BACH2: variants seen among roughly 807,000 people sequenced by gnomAD.
The protein encoded by BACH2 is transcription regulator protein BACH2.
Under a neutral mutation model 61.8 loss-of-function variants are expected in BACH2, and 5 were observed. The ratio of observed to expected loss-of-function variants is 0.08; its 90% CI spans 0.04 to 0.17. The LOEUF is 0.17. BACH2 is among the 10% of genes least tolerant of loss of function. BACH2 has a pLI of 1.00. For missense variants in BACH2, 824 were observed against 1,091.1 expected, an observed-to-expected ratio of 0.76 and a Z score of 3.45; for synonymous variants, 446 against 440.1, an observed-to-expected ratio of 1.01 and a Z score of -0.17.
At chr6:90,282,417 T>C (rs1771885293) in intron 1 of BACH2, among the ~76,000 whole-genome samples, 1 of 152,176 alleles carries the variant, frequency 6.6e-6, no homozygotes, top group African/African-American at 2.4e-5. Context: ...TGGTTTTCTG[T>C]TCCTGTGTTA....
At chr6:90,169,372 GAT>G (rs1465301975) in intron 4 of BACH2, among the ~76,000 whole-genome samples, 1 of 152,084 alleles carries the variant, frequency 6.6e-6, no homozygotes, top group African/African-American at 2.4e-5. Context: ...ATGCCTTAAT[GAT>G]GAAAAACTCC....
chr6:90,010,390 A>C (rs186268951), intron 5 of BACH2, among the ~76,000 whole-genome samples: 17 of 152,358 alleles, frequency 1.1e-4, no homozygotes, highest in African/African-American at 3.8e-4. Flanking sequence ...TCTATTCAGC[A>C]TAATTATTTC....
At chr6:90,295,416 T>G (rs1772312446) in intron 1 of BACH2, among the ~76,000 whole-genome samples, 1 of 152,086 alleles carries the variant, frequency 6.6e-6, no homozygotes, top group African/African-American at 2.4e-5. Flanking sequence ...TGCAAATGCT[T>G]GGCCAGACCG....
intron 4 of BACH2, among the ~76,000 whole-genome samples, chr6:90,175,652 A>AT (rs1378583711): frequency 1.3e-5 from 2 of 152,134 alleles, no homozygotes; most frequent in Non-Finnish European, 2.9e-5. Context: ...GTTGACTAAG[A>AT]ATAGAAGGTA....
intron 5 of BACH2, among the ~76,000 whole-genome samples, chr6:90,065,342 G>A (rs969467672): frequency 7.4e-6 from 1 of 134,402 alleles, no homozygotes; most frequent in Non-Finnish European, 1.5e-5. Flanking sequence ...CTAGCCTCCT[G>A]GAGGATGAGA....
chr6:90,282,519 T>C (rs769872798), intron 1 of BACH2, among the ~76,000 whole-genome samples: 7 of 152,040 alleles, frequency 4.6e-5, no homozygotes, highest in East Asian at 1.9e-4. Context: ...TATTCCATGG[T>C]GTATGTACCA....
intron 3 of BACH2, among the ~76,000 whole-genome samples, chr6:90,249,076 T>C (rs1770725530): frequency 6.6e-6 from 1 of 152,214 alleles, no homozygotes; most frequent in African/African-American, 2.4e-5. Flanking sequence ...ATAAACTTTG[T>C]CTTGTAGAAT....
chr6:90,147,159 G>T (rs1010473), intron 4 of BACH2, among the ~76,000 whole-genome samples: 36,827 of 152,004 alleles, frequency 0.24, 5,720 homozygotes, highest in Non-Finnish European at 0.35. Flanking sequence ...TGCAAGAAGG[G>T]GCAGTAATAA....
At chr6:90,265,708 A>G (rs1031082780) in intron 2 of BACH2, among the ~76,000 whole-genome samples, 1 of 152,206 alleles carries the variant, frequency 6.6e-6, no homozygotes, top group Non-Finnish European at 1.5e-5. Flanking sequence ...CTTTCTATCT[A>G]TAGTGAGTGT....
chr6:90,049,210 GGACA>G (rs976122896), intron 5 of BACH2, among the ~76,000 whole-genome samples: 67 of 152,260 alleles, frequency 4.4e-4, no homozygotes, highest in African/African-American at 1.5e-3. Flanking sequence ...ATATTGAACA[GGACA>G]GACAAAGTCC....
intron 4 of BACH2, among the ~76,000 whole-genome samples, chr6:90,095,355 G>A (rs1782339902): frequency 6.6e-6 from 1 of 152,114 alleles, no homozygotes; most frequent in South Asian, 2.1e-4. Context: ...GAAAGGTGAT[G>A]AAAGAAAGTG....
intron 7 of BACH2, among the ~76,000 whole-genome samples, chr6:89,947,954 T>G (rs1358192629): frequency 6.6e-6 from 1 of 152,184 alleles, no homozygotes; most frequent in Non-Finnish European, 1.5e-5. Flanking sequence ...GTCCTGTTCA[T>G]GACTATTTTA....
chr6:90,071,626 G>A (rs1220989137), intron 5 of BACH2, among the ~76,000 whole-genome samples: 2 of 152,086 alleles, frequency 1.3e-5, no homozygotes, highest in South Asian at 2.1e-4. Flanking sequence ...CTTCACTTTC[G>A]GATGTTCTTT....
chr6:90,046,178 A>G (rs1779769471), intron 5 of BACH2, among the ~76,000 whole-genome samples: 1 of 152,208 alleles, frequency 6.6e-6, no homozygotes, highest in Non-Finnish European at 1.5e-5. Flanking sequence ...GTTGACATGG[A>G]TGAACGAAAA....
At chr6:89,936,158 T>C (rs1160888844) in intron 8 of BACH2, among the ~76,000 whole-genome samples, 2 of 152,120 alleles carry the variant, frequency 1.3e-5, no homozygotes, top group Non-Finnish European at 2.9e-5. Flanking sequence ...GAACTGACAG[T>C]TGAGGGCTGG....
At chr6:89,959,138 C>T (rs1400843669) in intron 6 of BACH2, among the ~76,000 whole-genome samples, 2 of 137,012 alleles carry the variant, frequency 1.5e-5, no homozygotes, top group Non-Finnish European at 3.2e-5. Flanking sequence ...CACACACACA[C>T]ACACACACAG....
At chr6:90,257,211 T>C (rs202193504) in intron 2 of BACH2, among the ~76,000 whole-genome samples, 1 of 152,198 alleles carries the variant, frequency 6.6e-6, no homozygotes, top group East Asian at 1.9e-4. Flanking sequence ...CTTTATGAGG[T>C]GGTGATTTCA....
At chr6:90,223,525 G>A (rs1300385047) in intron 3 of BACH2, among the ~76,000 whole-genome samples, 2 of 152,148 alleles carry the variant, frequency 1.3e-5, no homozygotes, top group African/African-American at 4.8e-5. Flanking sequence ...CTGGAGTGCA[G>A]TGGCGTGATC....
intron 3 of BACH2, among the ~76,000 whole-genome samples, chr6:90,227,448 C>T (rs1769953443): frequency 6.6e-6 from 1 of 152,166 alleles, no homozygotes; most frequent in Non-Finnish European, 1.5e-5. Flanking sequence ...CAGAGGAAAA[C>T]AGCTCACAAA....
Sources: gnomAD v4.1 joint callset for allele counts (sites outside exome capture counted in the v4.1 genomes callset) on GRCh38, gnomAD v4.1.1 for gene constraint, MANE v1.5 for transcripts, NCBI Gene and HGNC (gene_info 2026-07-23, HGNC 2026-07-21) for gene names.